Variants in PTPRN2 observed in about 807,000 individuals in gnomAD.
PTPRN2 encodes the protein protein tyrosine phosphatase receptor type N2.
In PTPRN2, 74 loss-of-function variants were observed where a neutral mutation model predicts 118.8. The observed-to-expected ratio is 0.62, with a 90% confidence interval of 0.52 to 0.76. PTPRN2 has a LOEUF of 0.76. PTPRN2 is among the 30% of genes least tolerant of loss of function. The pLI is 0.00. For synonymous variants in PTPRN2, 641 were observed against 608.0 expected, an observed-to-expected ratio of 1.05 and a Z score of -0.80; for missense variants, 1,481 against 1,394.4, an observed-to-expected ratio of 1.06 and a Z score of -0.99.
intron 19 of PTPRN2, among the ~76,000 whole-genome samples, chr7:157,574,024 C>G (rs1047560075): frequency 5.9e-5 from 9 of 152,184 alleles, no homozygotes; most frequent in Non-Finnish European, 1.2e-4. Flanking sequence ...AAAACCACGA[C>G]ATATTGAACA....
At chr7:158,395,361 C>T (rs1476195421) in intron 2 of PTPRN2, among the ~76,000 whole-genome samples, 3 of 2,718 alleles carry the variant, frequency 1.1e-3, no homozygotes, top group Non-Finnish European at 2.0e-3. Flanking sequence ...GGGCCAGGGG[C>T]GAGGGGCGAG....
At chr7:158,272,802 G>A (rs1429218393) in intron 3 of PTPRN2, among the ~76,000 whole-genome samples, 1 of 152,206 alleles carries the variant, frequency 6.6e-6, no homozygotes, top group Non-Finnish European at 1.5e-5. Flanking sequence ...GGCCATCGGG[G>A]AGGTGCCGCC....
At chr7:158,019,364 G>A (rs1311917493) in intron 11 of PTPRN2, among the ~76,000 whole-genome samples, 1 of 152,246 alleles carries the variant, frequency 6.6e-6, no homozygotes, top group Non-Finnish European at 1.5e-5. Flanking sequence ...TAGGACATGC[G>A]ATAGAAGGAG....
chr7:158,172,887 T>A (rs1173063644), intron 5 of PTPRN2, among the ~76,000 whole-genome samples: 1 of 138,322 alleles, frequency 7.2e-6, no homozygotes, highest in Admixed American at 7.0e-5. Context: ...ATCATCACCT[T>A]CACCATCAGC....
Position 158,404,315 on chromosome 7 carries a change from G to A in PTPRN2, c.163+85420C>T, listed in dbSNP as rs78114829. Reference sequence around the variant, plus strand: ...TGAGCCACTAGCCAGGAACACATGCGGACAGACTTTGATGGGAGGATGCTG... The same window carrying A: ...TGAGCCACTAGCCAGGAACACATGCAGACAGACTTTGATGGGAGGATGCTG... On this transcript the variant is annotated intron_variant, in intron 2 of 22. Coordinates refer to ENST00000389418, the MANE Select transcript of PTPRN2 (RefSeq NM_002847.5). Among the ~76,000 whole-genome samples the A allele has an allele frequency of 4.7e-4, 72 of 152,308 alleles. No homozygotes were observed. The East Asian group carries it at 9.1e-3, about 19-fold the overall frequency.
chr7:158,419,435 C>T (rs1305406413), intron 2 of PTPRN2, among the ~76,000 whole-genome samples: 2 of 7,540 alleles, frequency 2.7e-4, no homozygotes, highest in Middle Eastern at 0.11. Flanking sequence ...CTGCCGTAAT[C>T]ACTCATCAGA....
rs978031027 is a variant in PTPRN2 at position 157,676,424 on chromosome 7, T to C, written c.2001+6301A>G. Among the ~76,000 whole-genome samples, 4 of 152,238 alleles carry C rather than the reference T, an allele frequency of 2.6e-5. No individual in the cohort carries two copies. The highest frequency in any genetic ancestry group is 2.6e-4 in the Admixed American group (4 of 15,290). On this transcript the variant is annotated intron_variant, in intron 13 of 22. Coordinates refer to ENST00000389418, the MANE Select transcript of PTPRN2 (RefSeq NM_002847.5). The surrounding 1 kb of genome is among the most constrained non-coding windows in gnomAD (Gnocchi z 5.6). ...TAGTGATGCGTGGACTAATGCTGTT[T>C]ACCGCCGGTTCACTTTCATTGCAAA...
chr7:158,247,919 C>A (rs1223369277), intron 3 of PTPRN2, among the ~76,000 whole-genome samples: 1 of 152,134 alleles, frequency 6.6e-6, no homozygotes, highest in African/African-American at 2.4e-5. Flanking sequence ...CCCAGCCTAC[C>A]ATCTGTGTTC....
intron 14 of PTPRN2, among the ~76,000 whole-genome samples, chr7:157,634,771 G>C (rs1441004836): frequency 6.6e-6 from 1 of 152,226 alleles, no homozygotes; most frequent in East Asian, 1.9e-4. Context: ...AGGCTGACAG[G>C]GGTTCTAGCC....
intron 2 of PTPRN2, among the ~76,000 whole-genome samples, chr7:158,365,913 A>ACC: frequency 6.9e-6 from 1 of 144,254 alleles, no homozygotes; most frequent in South Asian, 2.3e-4. Context: ...ACACACACAC[A>ACC]CACTGCATCC....
In PTPRN2 at chr7:157,780,655, A is replaced by G. The variant is rs1049812680; in HGVS notation, c.1789-97718T>C. ...TGTGCCTCAGTTTCCCTGTTTGCAC[A>G]ATGGGGCTTCACCCATTTCGCAGGG... On this transcript the variant is annotated intron_variant, in intron 12 of 22. Transcript: ENST00000389418. The surrounding 1 kb of genome is among the most constrained non-coding windows in gnomAD (Gnocchi z 4.5). 1.3e-5 allele frequency among the ~76,000 whole-genome samples: 2 copies of G among 152,202 alleles called. No individual in the cohort carries two copies. Among genetic ancestry groups the G allele is most frequent in the African/African-American group, 4.8e-5 (2 of 41,464 alleles).
At chr7:157,650,962 C>A (rs1018252897) in intron 14 of PTPRN2, among the ~76,000 whole-genome samples, 1 of 152,236 alleles carries the variant, frequency 6.6e-6, no homozygotes, top group African/African-American at 2.4e-5. Context: ...GGGAAGACTC[C>A]AGGCAGGCAG....
At chr7:157,702,572 C>T (rs1798132592) in intron 12 of PTPRN2, among the ~76,000 whole-genome samples, 1 of 152,202 alleles carries the variant, frequency 6.6e-6, no homozygotes, top group African/African-American at 2.4e-5. Context: ...AGGCGTGCTG[C>T]GGCGTTGGTG....
chr7:158,341,947 A>C (rs1156850426), intron 2 of PTPRN2, among the ~76,000 whole-genome samples: 1 of 143,136 alleles, frequency 7.0e-6, no homozygotes, highest in Non-Finnish European at 1.5e-5. Context: ...TCACCATAAG[A>C]GCTGTCGCCC....
intron 11 of PTPRN2, among the ~76,000 whole-genome samples, chr7:157,948,756 T>C (rs1800633466): frequency 6.6e-6 from 1 of 152,206 alleles, no homozygotes; most frequent in Non-Finnish European, 1.5e-5. Context: ...AATTTTTGAG[T>C]GCCTACATGA....
intron 11 of PTPRN2, among the ~76,000 whole-genome samples, chr7:158,077,119 T>C (rs1271630472): frequency 6.6e-6 from 1 of 152,204 alleles, no homozygotes; most frequent in Non-Finnish European, 1.5e-5. Flanking sequence ...GGCCTGTGAC[T>C]AACGCAGAAC....
At chr7:158,082,613 C>G (rs1229114362) in intron 10 of PTPRN2, among the ~76,000 whole-genome samples, 1 of 152,222 alleles carries the variant, frequency 6.6e-6, no homozygotes, top group South Asian at 2.1e-4. Flanking sequence ...CTTGAATCAG[C>G]GCCTGCTCTG....
At chr7:158,248,626 G>GCA (rs1458084759) in intron 3 of PTPRN2, among the ~76,000 whole-genome samples, 4 of 144,470 alleles carry the variant, frequency 2.8e-5, no homozygotes, top group South Asian at 2.2e-4. Flanking sequence ...ACATACACAC[G>GCA]CACACACACC....
chr7:158,204,989 T>C (rs1426297999), intron 4 of PTPRN2, among the ~76,000 whole-genome samples, 182 bp downstream of exon 4: 1 of 152,210 alleles, frequency 6.6e-6, no homozygotes, highest in African/African-American at 2.4e-5. Flanking sequence ...GTCACCCCAA[T>C]ATCGCTTTCT....
Sources: gnomAD v4.1 joint callset for allele counts (sites outside exome capture counted in the v4.1 genomes callset) on GRCh38, gnomAD v4.1.1 for gene constraint, Gnocchi (gnomAD v3.1) non-coding constraint, MANE v1.5 for transcripts, NCBI Gene and HGNC (gene_info 2026-07-23, HGNC 2026-07-21) for gene names.